Variants in SH2D7 observed in about 807,000 individuals in gnomAD.
SH2D7 encodes SH2 domain-containing protein 7.
SH2D7 carries 32 observed loss-of-function variants against 40.8 expected under a neutral mutation model. The ratio of observed to expected loss-of-function variants is 0.78; its 90% CI spans 0.59 to 1.05. SH2D7 has a LOEUF of 1.05. Ranked by LOEUF, SH2D7 falls within the 50% of genes least tolerant of loss-of-function variation. The pLI is 0.00. For missense variants in SH2D7, 559 were observed against 566.6 expected, an observed-to-expected ratio of 0.99 and a Z score of 0.14; for synonymous variants, 195 against 221.5, an observed-to-expected ratio of 0.88 and a Z score of 1.06.
rs568013884 is a variant in SH2D7, at chr15:78,103,661, C to T, written c.*146C>T. On this transcript the variant is annotated 3_prime_UTR_variant, in exon 6 of 6. Coordinates refer to ENST00000328828, the MANE Select transcript of SH2D7 (RefSeq NM_001101404.2). ...CTACAGAACTAGGCTCCGAGACAGC[C>T]GAGGTGCCTGCCTGAGAGCAGGTGG... 6.4e-5 allele frequency: 64 copies of T among 993,278 alleles called. No homozygotes were observed. The highest frequency in any genetic ancestry group is 8.8e-5 in the Non-Finnish European group (60 of 685,372). The allele number at this position is 993,278 out of a possible 1,614,324, so 61.5% of individuals were successfully genotyped here. A position where few individuals can be genotyped will look rare whatever the true frequency, so the allele number is the denominator to read the frequency against.
At chr15:78,097,699 C>G (rs2073981865) in intron 2 of SH2D7, among the ~76,000 whole-genome samples, 1 of 152,162 alleles carries the variant, frequency 6.6e-6, no homozygotes, top group African/African-American at 2.4e-5. Context: ...CCAGAGCAGG[C>G]TTAGGTACTT....
rs2073987932 is a variant in SH2D7, at chr15:78,098,381, C to G, written c.433-3C>G. On this transcript the variant is annotated splice_region_variant and splice_polypyrimidine_tract_variant and intron_variant, in intron 3 of 5. Coordinates refer to ENST00000328828, the MANE Select transcript of SH2D7 (RefSeq NM_001101404.2). ...CATACCTGCCGTATCCGCATGCTCC[C>G]AGCCAGAGGACAATGATCTGTATGA... The G allele has an allele frequency of 1.2e-6, 2 of 1,613,132 alleles. No homozygotes were observed. The highest frequency in any genetic ancestry group is 8.5e-7 in the Non-Finnish European group (1 of 1,179,878).
rs375692821 is a variant in SH2D7, at chr15:78,092,617, G to C, written c.33G>C (p.Gly11=). 1 of 1,554,028 alleles carries C rather than the reference G, an allele frequency of 6.4e-7. No homozygotes were observed. Among genetic ancestry groups the C allele is most frequent in the Non-Finnish European group, 8.7e-7 (1 of 1,148,544 alleles). Residue 11 remains glycine (G), a synonymous_variant, in exon 1 of 6, where the codon GGG becomes GGC. Transcript: ENST00000328828. ...ACAGCCTAAAGCAGCTCAGCCTGGG[G>C]AGAGATCCTGAGGGGGCAGGGGACA... MEDSLKQLSL[G]RDPEGAGDSQ...
At chr15:78,090,723 A>C (rs8039850), upstream of SH2D7, among the ~76,000 whole-genome samples, 109,988 of 151,862 alleles carry the variant, frequency 0.72, 40,155 homozygotes, top group East Asian at 1. Flanking sequence ...GGATTTAACT[A>C]ATCTAACCTT....
At position 78,103,464 on chromosome 15, in the gene SH2D7, G is replaced by GC; in HGVS notation, c.1307dup (p.Asp437Ter). On this transcript the variant is annotated frameshift_variant and splice_region_variant. Transcript: ENST00000328828. LOFTEE classifies it high-confidence loss of function. ...CCCCAGTATCTCCTCCTTCCTTGCA[G>GC]CCTGACAAGCTTCGGAGGCTCTTCT... 7 of 1,558,804 alleles carry GC rather than the reference G, an allele frequency of 4.5e-6. No homozygotes were observed. The highest frequency in any genetic ancestry group is 6.1e-6 in the Non-Finnish European group (7 of 1,150,620).
At chr15:78,092,423 T>C (rs939139850), upstream of SH2D7, among the ~76,000 whole-genome samples, 1 of 152,120 alleles carries the variant, frequency 6.6e-6, no homozygotes, top group Non-Finnish European at 1.5e-5. Context: ...CCCCAAAGCA[T>C]CAGAGGAGAG....
chr15:78,094,797 T>C (rs1205883833), intron 2 of SH2D7, among the ~76,000 whole-genome samples: 1 of 151,914 alleles, frequency 6.6e-6, no homozygotes, highest in African/African-American at 2.4e-5. Context: ...GCTGGAGGTG[T>C]GGGGGCACTG....
At chr15:78,092,221 A>T (rs1567042400), upstream of SH2D7, among the ~76,000 whole-genome samples, 1 of 152,364 alleles carries the variant, frequency 6.6e-6, no homozygotes, top group East Asian at 1.9e-4. Context: ...CTTTGCTCCC[A>T]GGGGCAGTGC....
intron 2 of SH2D7, 138 bp from the exon 3 acceptor site, chr15:78,097,791 T>C (rs2073982512): frequency 9.4e-7 from 1 of 1,062,128 alleles, no homozygotes; most frequent in Non-Finnish European, 1.3e-6. Flanking sequence ...TGGGGTACAG[T>C]GGCCCCAGGT....
intron 2 of SH2D7, among the ~76,000 whole-genome samples, chr15:78,097,460 G>A (rs2073980342): frequency 6.6e-6 from 1 of 152,208 alleles, no homozygotes; most frequent in Non-Finnish European, 1.5e-5. Context: ...TTGCAGCAGG[G>A]TGGGGAGTAG....
intron 2 of SH2D7, among the ~76,000 whole-genome samples, chr15:78,097,507 T>C (rs896120671): frequency 6.6e-6 from 1 of 152,236 alleles, no homozygotes; most frequent in Non-Finnish European, 1.5e-5. Context: ...GGTTGGATCC[T>C]GTCTTTATTT....
At chr15:78,102,410 T>C (rs1401795127) in intron 5 of SH2D7, among the ~76,000 whole-genome samples, 18 of 152,186 alleles carry the variant, frequency 1.2e-4, no homozygotes, top group Admixed American at 1.2e-3. Flanking sequence ...ATCTGTAAAA[T>C]GGGCTGATCC....
At position 78,098,564 on chromosome 15, in the gene SH2D7, C is replaced by T; in HGVS notation, c.613C>T (p.Pro205Ser). The change falls in exon 4 of 6, where the codon CCC (proline) becomes TCC (serine). Residue 205 changes from proline (P) to serine (S), a missense_variant. Pro to Ser is a moderately conservative substitution (Grantham distance 74). Coordinates refer to ENST00000328828, the MANE Select transcript of SH2D7 (RefSeq NM_001101404.2). ...TGCACAGAAAAGCCTGGATGTGAGT[C>T]CCCGGAACCTCTCCCAGGAGGAAAG... ...LHAQKSLDVS[P>S]RNLSQEESME... is the part of the protein sequence containing the mutation. The T allele has an allele frequency of 6.2e-7, 1 of 1,613,944 alleles. No individual in the cohort carries two copies. Among genetic ancestry groups the T allele is most frequent in the Non-Finnish European group, 8.5e-7 (1 of 1,179,850 alleles).
Position 78,100,928 on chromosome 15 carries a change from G to T in SH2D7, c.675G>T (p.Glu225Asp). The part of the protein sequence containing the change: ...EAPIRVSPLP[E>D]KSSSLLEESF... ...CCATCAGAGTGTCTCCACTCCCTGA[G>T]AAGAGTTCCTCCCTCCTGGAAGAGT... Residue 225 changes from glutamate to aspartate, a missense_variant, in exon 5 of 6, where the codon GAG (glutamate) becomes GAT (aspartate). Physicochemically the swap from Glu to Asp is conservative, Grantham distance 45 (BLOSUM62 2). Transcript: ENST00000328828. 6.2e-7 allele frequency: 1 copy of T among 1,613,794 alleles called. No individual in the cohort carries two copies. The highest frequency in any genetic ancestry group is 1.1e-5 in the South Asian group (1 of 91,084).
At chr15:78,090,623 CCATCATCAT>C (rs59098608), upstream of SH2D7, among the ~76,000 whole-genome samples, 337 of 146,458 alleles carry the variant, frequency 2.3e-3, 2 homozygotes, top group African/African-American at 7.8e-3. Flanking sequence ...TCTTGCATCA[CCATCATCAT>C]CATCATCATC....
chr15:78,094,373 C>T (rs2073957713), intron 2 of SH2D7, among the ~76,000 whole-genome samples, 172 bp downstream of exon 2: 1 of 152,186 alleles, frequency 6.6e-6, no homozygotes, highest in Admixed American at 6.5e-5. Context: ...CAGCACTGGC[C>T]ATATACTAGG....
At chr15:78,093,179 A>G (rs1034959603) in intron 1 of SH2D7, among the ~76,000 whole-genome samples, 3 of 152,222 alleles carry the variant, frequency 2.0e-5, no homozygotes, top group African/African-American at 7.2e-5. Flanking sequence ...AAAGGCCAAG[A>G]TACAGGTTTG....
Position 78,098,500 on chromosome 15 carries a change from C to G in SH2D7, c.549C>G (p.Ser183Arg). Residue 183 changes from serine (S) to arginine (R), a missense_variant, in exon 4 of 6, where the codon AGC becomes AGG. Ser to Arg is a moderately radical substitution (Grantham distance 110). Transcript: ENST00000328828. ...FLTVVPDKAA[S>R]PRSSPKPQVS... Reference sequence around the variant, plus strand: ...CAGTGGTCCCCGACAAGGCCGCCAGCCCCCGCTCTTCTCCAAAGCCCCAGG... The same window carrying G: ...CAGTGGTCCCCGACAAGGCCGCCAGGCCCCGCTCTTCTCCAAAGCCCCAGG... 1 of 1,614,012 alleles carries G rather than the reference C, an allele frequency of 6.2e-7. No individual in the cohort carries two copies. Among genetic ancestry groups the G allele is most frequent in the Non-Finnish European group, 8.5e-7 (1 of 1,179,892 alleles).
rs777252916 is a variant in SH2D7 at position 78,101,008 on chromosome 15, C to A, written c.755C>A (p.Ala252Glu). The change falls in exon 5 of 6, where the codon GCA (alanine) becomes GAA (glutamate). Residue 252 changes from alanine (A) to glutamate (E), a missense_variant. Ala to Glu is a moderately radical substitution (Grantham distance 107). Transcript: ENST00000328828. Reference protein sequence around the residue: ...IYADLRRMNQARLGLGTEGSG... With the variant: ...IYADLRRMNQERLGLGTEGSG... Reference sequence around the variant, plus strand: ...GCAGACCTGAGGAGGATGAACCAGGCACGGCTAGGCTTGGGCACAGAGGGG... The same window carrying A: ...GCAGACCTGAGGAGGATGAACCAGGAACGGCTAGGCTTGGGCACAGAGGGG... The A allele has an allele frequency of 6.2e-7, 1 of 1,613,764 alleles. No individual in the cohort carries two copies. The highest frequency in any genetic ancestry group is 2.2e-5 in the East Asian group (1 of 44,884).
Sources: gnomAD v4.1 joint callset for allele counts (sites outside exome capture counted in the v4.1 genomes callset) on GRCh38, gnomAD v4.1.1 for gene constraint, MANE v1.5 for transcripts, NCBI Gene and HGNC (gene_info 2026-07-23, HGNC 2026-07-21) for gene names.